SH3RF3: variants seen among roughly 807,000 people sequenced by gnomAD.
The protein encoded by SH3RF3 is E3 ubiquitin-protein ligase SH3RF3.
In SH3RF3, 29 loss-of-function variants were observed where a neutral mutation model predicts 66.3. The ratio of observed to expected loss-of-function variants is 0.44; its 90% CI spans 0.33 to 0.60. The LOEUF (loss-of-function observed/expected upper bound fraction) is 0.60, where lower values mean the gene tolerates loss of function less well. SH3RF3 is among the 20% of genes least tolerant of loss of function. The pLI is 0.04. For synonymous variants in SH3RF3, 583 were observed against 532.0 expected (o/e 1.10, Z -1.32); for missense variants, 1,194 against 1,190.9 (o/e 1.00, Z -0.04).
rs954127511 is a variant in SH3RF3 at position 109,327,026 on chromosome 2, C to T, written c.574-20648C>T. 2.6e-5 allele frequency among the ~76,000 whole-genome samples: 4 copies of T among 152,124 alleles called. No individual in the cohort carries two copies. The East Asian group carries it at 7.7e-4, about 29-fold the overall frequency. ...CTTCTGTTTATGGATTGTCTTTTTC[C>T]TTCGTATTTAATGTCTTTTGATAAA... On this transcript the variant is annotated intron_variant, in intron 1 of 9. Coordinates refer to ENST00000309415, the MANE Select transcript of SH3RF3 (RefSeq NM_001099289.3).
At chr2:109,163,421 C>T (rs1677538090) in intron 1 of SH3RF3, among the ~76,000 whole-genome samples, 1 of 71,050 alleles carries the variant, frequency 1.4e-5, no homozygotes, top group African/African-American at 6.8e-5. Flanking sequence ...TTTTTTGAGA[C>T]GGAGTCTCGC....
intron 1 of SH3RF3, among the ~76,000 whole-genome samples, chr2:109,217,605 C>A (rs996305388): frequency 2.0e-5 from 3 of 152,234 alleles, no homozygotes; most frequent in Non-Finnish European, 4.4e-5. Context: ...GTGTTATAAA[C>A]AGAATCAGTC....
intron 2 of SH3RF3, among the ~76,000 whole-genome samples, chr2:109,349,711 G>C (rs1051546786): frequency 2.0e-5 from 3 of 152,222 alleles, no homozygotes; most frequent in Non-Finnish European, 4.4e-5. Flanking sequence ...CTCTCCACTC[G>C]GGAGAACCCA....
intron 1 of SH3RF3, among the ~76,000 whole-genome samples, chr2:109,195,624 CTCTT>C (rs1678479433): frequency 6.6e-6 from 1 of 152,200 alleles, no homozygotes; most frequent in African/African-American, 2.4e-5. Flanking sequence ...GGAAGGATGC[CTCTT>C]TCCCCGCAGG....
chr2:109,319,387 G>A (rs1377291613), intron 1 of SH3RF3, among the ~76,000 whole-genome samples: 1 of 152,232 alleles, frequency 6.6e-6, no homozygotes, highest in East Asian at 1.9e-4. Flanking sequence ...TGTGGGCTCA[G>A]TGGGGTCCCG....
At chr2:109,231,367 A>G (rs539149880) in intron 1 of SH3RF3, among the ~76,000 whole-genome samples, 2 of 152,370 alleles carry the variant, frequency 1.3e-5, no homozygotes, top group Non-Finnish European at 2.9e-5. Flanking sequence ...GAGAAGGTTA[A>G]TGCAGTTATC....
At chr2:109,276,878 G>A (rs1680770226) in intron 1 of SH3RF3, among the ~76,000 whole-genome samples, 1 of 150,490 alleles carries the variant, frequency 6.6e-6, no homozygotes, top group Non-Finnish European at 1.5e-5. Context: ...AATTCACATG[G>A]AAAAAAAAAT....
Position 109,129,857 on chromosome 2 carries a change from A to G in SH3RF3, c.317A>G (p.Asp106Gly). ...CGCATCCTGGTGGGCTGCGGCGTGGACGAACTGCCCGCCAACATCTTGCTG... is the reference window on the plus strand; with the variant it reads ...CGCATCCTGGTGGGCTGCGGCGTGGGCGAACTGCCCGCCAACATCTTGCTG... Reference protein sequence around the residue: ...ECRILVGCGVDELPANILLVR... With the variant: ...ECRILVGCGVGELPANILLVR... The change falls in exon 1 of 10, where the codon GAC becomes GGC. Residue 106 changes from aspartate to glycine, a missense_variant. Coordinates refer to ENST00000309415, the MANE Select transcript of SH3RF3 (RefSeq NM_001099289.3). The G allele has an allele frequency of 6.5e-7, 1 of 1,527,564 alleles. No homozygotes were observed. The highest frequency in any genetic ancestry group is 8.8e-7 in the Non-Finnish European group (1 of 1,142,046). 94.6% of individuals were successfully genotyped at this position (1,527,564 alleles called of 1,614,324 possible). A position where few individuals can be genotyped will look rare whatever the true frequency, so the allele number is the denominator to read the frequency against.
At chr2:109,280,109 GT>G (rs1680848650) in intron 1 of SH3RF3, among the ~76,000 whole-genome samples, 1 of 152,096 alleles carries the variant, frequency 6.6e-6, no homozygotes, top group African/African-American at 2.4e-5. Flanking sequence ...TTTTCTGCAT[GT>G]TTTTTGGGGG....
intron 1 of SH3RF3, among the ~76,000 whole-genome samples, chr2:109,228,628 T>A (rs1409165442): frequency 6.6e-6 from 1 of 152,198 alleles, no homozygotes; most frequent in Non-Finnish European, 1.5e-5. Flanking sequence ...TCAGGTTACC[T>A]GGAACTTCTG....
intron 5 of SH3RF3, among the ~76,000 whole-genome samples, chr2:109,422,413 C>T (rs947161243): frequency 6.6e-5 from 10 of 152,190 alleles, no homozygotes; most frequent in East Asian, 1.9e-4. Context: ...TAATCCTGTA[C>T]GGTCAGTGTG....
At chr2:109,224,723 G>T (rs920203030) in intron 1 of SH3RF3, among the ~76,000 whole-genome samples, 7 of 152,140 alleles carry the variant, frequency 4.6e-5, no homozygotes, top group Non-Finnish European at 1.0e-4. Context: ...CCAGCATGGT[G>T]GTGGGCACCT....
At chr2:109,206,596 G>T (rs1328277468) in intron 1 of SH3RF3, among the ~76,000 whole-genome samples, 2 of 151,798 alleles carry the variant, frequency 1.3e-5, no homozygotes, top group Non-Finnish European at 2.9e-5. Flanking sequence ...ATAGCTTGAG[G>T]CTGGAGTTCA....
At chr2:109,141,600 C>G (rs1279873512) in intron 1 of SH3RF3, 1 of 154,866 alleles carries the variant, frequency 6.5e-6, no homozygotes, top group Non-Finnish European at 1.5e-5. Context: ...TTTTCTCTAT[C>G]GTGAAATCGG....
intron 2 of SH3RF3, among the ~76,000 whole-genome samples, chr2:109,353,154 G>A (rs927325911): frequency 6.6e-6 from 1 of 152,170 alleles, no homozygotes; most frequent in Non-Finnish European, 1.5e-5. Context: ...TGCCCACAAG[G>A]CCCCACCTCA....
chr2:109,433,024 T>C (rs1478582113), intron 6 of SH3RF3, among the ~76,000 whole-genome samples: 1 of 152,274 alleles, frequency 6.6e-6, no homozygotes, highest in African/African-American at 2.4e-5. Context: ...GTGTATGCTA[T>C]GCGTGTGCAG....
chr2:109,287,922 A>G (rs910602435), intron 1 of SH3RF3, among the ~76,000 whole-genome samples: 2 of 152,212 alleles, frequency 1.3e-5, no homozygotes, highest in African/African-American at 2.4e-5. Context: ...ACCTCTCTAC[A>G]TCCAGGACCT....
intron 8 of SH3RF3, among the ~76,000 whole-genome samples, chr2:109,467,311 G>A (rs1300235591): frequency 6.6e-6 from 1 of 152,252 alleles, no homozygotes; most frequent in Non-Finnish European, 1.5e-5. Context: ...GCAAGAAAAA[G>A]AAACCAGCTG....
At chr2:109,340,849 G>A (rs1322562075) in intron 1 of SH3RF3, among the ~76,000 whole-genome samples, 1 of 152,088 alleles carries the variant, frequency 6.6e-6, no homozygotes, top group Non-Finnish European at 1.5e-5. Context: ...CCTAACCGCT[G>A]CTTTGATGCA....
Sources: allele counts gnomAD v4.1 joint callset (sites outside exome capture counted in the v4.1 genomes callset), GRCh38; gene constraint gnomAD v4.1.1; transcripts MANE v1.5; gene names NCBI Gene and HGNC (gene_info 2026-07-23, HGNC 2026-07-21).